The following RAB3GAP2 variants were observed in gnomAD, a reference collection of about 807,000 sequenced individuals.
RAB3GAP2 encodes the protein RAB3 GTPase activating non-catalytic protein subunit 2.
Under a neutral mutation model 185.3 loss-of-function variants are expected in RAB3GAP2, and 87 were observed. That is an observed-to-expected ratio of 0.47 (90% CI 0.39 to 0.56). The LOEUF (loss-of-function observed/expected upper bound fraction) is 0.56, where lower values mean the gene tolerates loss of function less well. Among genes scored for constraint, RAB3GAP2 ranks in the 20% least tolerant of loss-of-function variants. RAB3GAP2 has a pLI of 0.00. For synonymous variants in RAB3GAP2, 554 were observed against 576.1 expected (o/e 0.96, Z 0.55); for missense variants, 1,492 against 1,638.2 (o/e 0.91, Z 1.54).
intron 2 of RAB3GAP2, among the ~76,000 whole-genome samples, chr1:220,215,117 T>C (rs1456934519): frequency 6.6e-6 from 1 of 151,984 alleles, no homozygotes; most frequent in African/African-American, 2.4e-5. Flanking sequence ...GTTCCCGATA[T>C]GCGTGGACAT....
intron 21 of RAB3GAP2, among the ~76,000 whole-genome samples, chr1:220,178,531 T>C (rs1283023375): frequency 1.3e-5 from 2 of 152,212 alleles, no homozygotes; most frequent in Non-Finnish European, 2.9e-5. Flanking sequence ...TTTCTTTTTA[T>C]GGTTTGTTGG....
chr1:220,264,300 A>G lies in RAB3GAP2; in HGVS notation c.115+7923T>C, dbSNP rs542709670. ...TAAATAAGTGAGGAAAACAACATAAATATATCATAAATCTTGATAATTAAA... is the reference window on the plus strand; with the variant it reads ...TAAATAAGTGAGGAAAACAACATAAGTATATCATAAATCTTGATAATTAAA... On this transcript the variant is annotated intron_variant, in intron 1 of 34. Transcript: ENST00000358951. Among the ~76,000 whole-genome samples, 110 of 152,246 alleles carry G rather than the reference A, an allele frequency of 7.2e-4. 1 individual carries two copies. In the South Asian group the frequency reaches 8.5e-3, roughly 12 times the overall value.
Position 220,151,585 on chromosome 1 carries a change from ATCTC to A in RAB3GAP2, c.4026+17_4026+20del. ...AAAACATCCAATGACCTTTTGCCTG[ATCTC>A]GTTCTATTGTACTGACCATTGCTTT... On this transcript the variant is annotated intron_variant, in intron 34 of 34. Coordinates refer to ENST00000358951, the MANE Select transcript of RAB3GAP2 (RefSeq NM_012414.4). The A allele has an allele frequency of 6.2e-7, 1 of 1,602,694 alleles. No homozygotes were observed.
chr1:220,233,795 C>T (rs981025783), intron 1 of RAB3GAP2, among the ~76,000 whole-genome samples: 4 of 152,040 alleles, frequency 2.6e-5, no homozygotes, highest in African/African-American at 9.7e-5. Context: ...CTGCCTCCCG[C>T]GTTCAAGCCA....
chr1:220,190,303 G>A, intron 15 of RAB3GAP2, 74 bp downstream of exon 15: 13 of 1,593,710 alleles, frequency 8.2e-6, no homozygotes, highest in Non-Finnish European at 1.1e-5. Context: ...AACTACAAAA[G>A]AGAGTACAAC....
rs6701106 is a variant in RAB3GAP2, at chr1:220,190,818, C to A, written c.1487+250G>T. Among the ~76,000 whole-genome samples the A allele has an allele frequency of 4.8e-3, 723 of 152,104 alleles. 7 individuals are homozygous for A. Among genetic ancestry groups the A allele is most frequent in the African/African-American group, 0.017 (708 of 41,502 alleles). ...AACCTTTCCTTTTGAGCCTTCCCAG[C>A]ATAAGTAAGGGACAAACATTAGCAA... is the stretch of plus-strand genomic sequence containing the variant. On this transcript the variant is annotated intron_variant, in intron 14 of 34. Transcript: ENST00000358951.
chr1:220,244,056 C>G (rs964541409), intron 1 of RAB3GAP2, among the ~76,000 whole-genome samples: 1 of 152,234 alleles, frequency 6.6e-6, no homozygotes, highest in Admixed American at 6.5e-5. Context: ...GAAGTCCTCA[C>G]AAGACTAATC....
At chr1:220,166,671 C>T (rs747465935) in intron 26 of RAB3GAP2, among the ~76,000 whole-genome samples, 6 of 152,074 alleles carry the variant, frequency 3.9e-5, no homozygotes, top group Non-Finnish European at 7.3e-5. Context: ...CAGTGGCTAC[C>T]GAAAGCAATA....
chr1:220,170,876 A>T lies in RAB3GAP2; in HGVS notation c.2806+16T>A. ...TAAAAAAATGGATGCAAATGCTCAA[A>T]TAAACTTCAGCTTACCTTTTCCTCC... On this transcript the variant is annotated intron_variant, in intron 24 of 34. Coordinates refer to ENST00000358951, the MANE Select transcript of RAB3GAP2 (RefSeq NM_012414.4). The T allele has an allele frequency of 6.3e-7, 1 of 1,596,500 alleles. No individual in the cohort carries two copies. Among genetic ancestry groups the T allele is most frequent in the Non-Finnish European group, 8.6e-7 (1 of 1,163,906 alleles).
chr1:220,232,964 C>T, intron 1 of RAB3GAP2, 101 bp from the exon 2 acceptor site: 1 of 918,990 alleles, frequency 1.1e-6, no homozygotes, highest in Non-Finnish European at 1.8e-6. Context: ...CTGTATAATG[C>T]TGATATTAAG....
At chr1:220,194,025 A>G (rs181983159) in intron 12 of RAB3GAP2, among the ~76,000 whole-genome samples, 1 of 152,220 alleles carries the variant, frequency 6.6e-6, no homozygotes, top group East Asian at 1.9e-4. Flanking sequence ...ATATTAGGAA[A>G]TGTGATATGT....
At chr1:220,181,042 C>T (rs1175890179) in intron 21 of RAB3GAP2, among the ~76,000 whole-genome samples, 1 of 152,194 alleles carries the variant, frequency 6.6e-6, no homozygotes, top group East Asian at 1.9e-4. Flanking sequence ...TACACATTTA[C>T]ATTGCAGAAA....
At position 220,171,099 on chromosome 1, in the gene RAB3GAP2, C is replaced by T; in HGVS notation, c.2599G>A (p.Ala867Thr). ...GAATCAGTGAGGGCCTCTGAATCAG[C>T]ACCCAAAACTGTTTGGGAAAACTAA... ...EKKFSQTVLGADSEALTDSWE... is the reference protein window; with the variant it reads ...EKKFSQTVLGTDSEALTDSWE... Residue 867 changes from alanine to threonine, a missense_variant, in exon 24 of 35, where the codon GCT (alanine) becomes ACT (threonine). Ala to Thr is a moderately conservative substitution (Grantham distance 58, BLOSUM62 0). Coordinates refer to ENST00000358951, the MANE Select transcript of RAB3GAP2 (RefSeq NM_012414.4). 2 of 1,614,120 alleles carry T rather than the reference C, an allele frequency of 1.2e-6. No homozygotes were observed. Among genetic ancestry groups the T allele is most frequent in the South Asian group, 1.1e-5 (1 of 91,082 alleles).
chr1:220,254,517 T>C (rs1399797292), intron 1 of RAB3GAP2: 2 of 1,613,308 alleles, frequency 1.2e-6, no homozygotes, highest in African/African-American at 1.3e-5. Flanking sequence ...TGGCTCCTCC[T>C]GAGTACCATC....
intron 1 of RAB3GAP2, among the ~76,000 whole-genome samples, chr1:220,259,229 T>A (rs569052652): frequency 1.2e-4 from 19 of 152,080 alleles, no homozygotes; most frequent in South Asian, 6.2e-4. Flanking sequence ...GAAAAAAAAA[T>A]TATTTTAAAA....
At chr1:220,183,942 A>C (rs1469069756) in intron 19 of RAB3GAP2, 94 bp downstream of exon 19, 7 of 1,138,412 alleles carry the variant, frequency 6.1e-6, no homozygotes, top group Admixed American at 2.7e-5. Context: ...CTTTAAAAAA[A>C]ATTCTTAATT....
chr1:220,174,121 C>T (rs1337657918), intron 21 of RAB3GAP2, among the ~76,000 whole-genome samples: 1 of 150,382 alleles, frequency 6.6e-6, no homozygotes, highest in Admixed American at 6.6e-5. Context: ...TGAAAATAAA[C>T]CTGCCTGATT....
At position 220,206,022 on chromosome 1, in the gene RAB3GAP2, A is replaced by G. The variant is rs1658957919; in HGVS notation, c.613-16T>C. The G allele has an allele frequency of 6.7e-7, 1 of 1,494,438 alleles. No homozygotes were observed. The highest frequency in any genetic ancestry group is 9.2e-7 in the Non-Finnish European group (1 of 1,088,806). 92.6% of individuals were successfully genotyped at this position (1,494,438 alleles called of 1,614,324 possible). A position where few individuals can be genotyped will look rare whatever the true frequency, so the allele number is the denominator to read the frequency against. On this transcript the variant is annotated splice_polypyrimidine_tract_variant and intron_variant, in intron 7 of 34. Transcript: ENST00000358951. Reference sequence around the variant, plus strand: ...ACTCTTCATTCTATTTAAGAAATAAAAAAAAAAAGTTCTTGAATAGATAAA... The same window carrying G: ...ACTCTTCATTCTATTTAAGAAATAAGAAAAAAAAGTTCTTGAATAGATAAA...
At chr1:220,221,684 T>C (rs1419345234) in intron 2 of RAB3GAP2, among the ~76,000 whole-genome samples, 4 of 152,244 alleles carry the variant, frequency 2.6e-5, no homozygotes, top group African/African-American at 9.6e-5. Flanking sequence ...ATGTGCATTA[T>C]GGAAAGGAAT....
Sources: allele counts gnomAD v4.1 joint callset (sites outside exome capture counted in the v4.1 genomes callset), GRCh38; gene constraint gnomAD v4.1.1; transcripts MANE v1.5; gene names NCBI Gene and HGNC (gene_info 2026-07-23, HGNC 2026-07-21).